HNRNPH1: variants seen among roughly 807,000 people sequenced by gnomAD.
HNRNPH1 encodes the protein heterogeneous nuclear ribonucleoprotein H1, also known as heterogeneous nuclear ribonucleoprotein H.
Under a neutral mutation model 58.6 loss-of-function variants are expected in HNRNPH1, and 4 were observed. That is an observed-to-expected ratio of 0.07 (90% CI 0.03 to 0.16). The LOEUF (loss-of-function observed/expected upper bound fraction) is 0.16. Ranked by LOEUF, HNRNPH1 falls within the 10% of genes least tolerant of loss-of-function variation. The probability of loss-of-function intolerance (pLI) is 1.00; values close to 1 mark genes in which losing one functional copy is unlikely to be tolerated. For missense variants in HNRNPH1, 271 were observed against 564.2 expected (o/e 0.48, Z 5.26); for synonymous variants, 192 against 189.2 (o/e 1.01, Z -0.12).
At chr5:179,614,830 GGATC>G (rs1768712848) in exon 13 of HNRNPH1, 1 of 1,255,878 alleles carries the variant, frequency 8.0e-7, no homozygotes, top group Non-Finnish European at 1.1e-6. Flanking sequence ...TCAGTGATCA[GGATC>G]GATCAATTAC....
rs1768795489 is a variant in HNRNPH1, at chr5:179,614,970, A to G, written c.*1-11T>C. On this transcript the variant is annotated splice_polypyrimidine_tract_variant and intron_variant, in intron 12 of 12. Transcript: ENST00000356731. ...CTGCTCCTTGGTTACCTGCAAAGAG[A>G]TCAATTTGACAAGTTAGGAGTAATA... 3 of 1,454,780 alleles carry G rather than the reference A, an allele frequency of 2.1e-6. No individual in the cohort carries two copies. Among genetic ancestry groups the G allele is most frequent in the Non-Finnish European group, 2.8e-6 (3 of 1,059,778 alleles). 90.1% of individuals were successfully genotyped at this position (1,454,780 alleles called of 1,614,324 possible). A position where few individuals can be genotyped will look rare whatever the true frequency, so the allele number is the denominator to read the frequency against.
At chr5:179,632,735 T>A (rs980038449) in intron 2 of HNRNPH1, among the ~76,000 whole-genome samples, 1 of 133,362 alleles carries the variant, frequency 7.5e-6, no homozygotes, top group African/African-American at 2.7e-5. Flanking sequence ...ACTCACTGTC[T>A]AAAGCCAAAT....
chr5:179,632,133 C>T (rs182941048), intron 2 of HNRNPH1, among the ~76,000 whole-genome samples: 279 of 152,030 alleles, frequency 1.8e-3, no homozygotes, highest in African/African-American at 6.5e-3. Flanking sequence ...GGTGAAACCC[C>T]GTCTCTACTA....
At chr5:179,621,359 T>G in exon 2 of HNRNPH1, 1 of 1,614,146 alleles carries the variant, frequency 6.2e-7, no homozygotes, top group Non-Finnish European at 8.5e-7. Context: ...CTGGTGTAGA[T>G]GAAACGAATA....
At chr5:179,625,643 G>T (rs762438121), upstream of HNRNPH1, among the ~76,000 whole-genome samples, 48 of 130,750 alleles carry the variant, frequency 3.7e-4, no homozygotes, top group Non-Finnish European at 5.1e-4. Flanking sequence ...TGGGCAATAA[G>T]AGCAAAACTC....
At chr5:179,632,506 G>A (rs888447418) in intron 2 of HNRNPH1, among the ~76,000 whole-genome samples, 5 of 152,210 alleles carry the variant, frequency 3.3e-5, no homozygotes, top group South Asian at 2.1e-4. Context: ...CCACAACCAC[G>A]TAAACGAATT....
Position 179,620,885 on chromosome 5 carries a change from T to A in HNRNPH1, c.397+7A>T, listed in dbSNP as rs1387532283. Reference sequence around the variant, plus strand: ...CTCACTGCTCAGCAACAAACATGACTACATACCTGAGAAGAACTGAACAAT... The same window carrying A: ...CTCACTGCTCAGCAACAAACATGACAACATACCTGAGAAGAACTGAACAAT... On this transcript the variant is annotated splice_region_variant and intron_variant, in intron 3 of 12. Coordinates refer to ENST00000356731, the Ensembl canonical transcript of HNRNPH1. The A allele has an allele frequency of 6.2e-7, 1 of 1,613,888 alleles. No individual in the cohort carries two copies. Among genetic ancestry groups the A allele is most frequent in the Non-Finnish European group, 8.5e-7 (1 of 1,179,872 alleles).
exon 1 of HNRNPH1, chr5:179,623,196 G>A (rs1399669756): frequency 1.1e-5 from 13 of 1,222,960 alleles, no homozygotes; most frequent in Admixed American, 9.0e-5. Flanking sequence ...AACTGAGAGC[G>A]CCAATTAAGC....
At chr5:179,628,661 C>T, upstream of HNRNPH1, among the ~76,000 whole-genome samples, 1 of 152,156 alleles carries the variant, frequency 6.6e-6, no homozygotes, top group East Asian at 1.9e-4. Flanking sequence ...ATGATATCAG[C>T]TGGGCATGGT....
intron 1 of HNRNPH1, chr5:179,621,638 T>G: frequency 1.9e-6 from 1 of 532,138 alleles, no homozygotes; most frequent in East Asian, 3.2e-5. Flanking sequence ...CAGAATGAAT[T>G]TATCTCTTTA....
At chr5:179,614,993 A>G (rs372314180) in intron 12 of HNRNPH1, 34 bp from the exon 14 acceptor site, 23 of 1,181,358 alleles carry the variant, frequency 1.9e-5, no homozygotes, top group East Asian at 5.1e-5. Context: ...GTTAGGAGTA[A>G]TATCAGACTA....
At chr5:179,630,602 C>A (rs936269123) in intron 2 of HNRNPH1, among the ~76,000 whole-genome samples, 4 of 152,018 alleles carry the variant, frequency 2.6e-5, no homozygotes, top group Admixed American at 1.3e-4. Context: ...TCGCTCAGGG[C>A]TATTTGCAGT....
Position 179,632,172 on chromosome 5 carries a change from G to A in HNRNPH1, c.-32+1893C>T, listed in dbSNP as rs59671351. On this transcript the variant is annotated intron_variant, in intron 2 of 4. Transcript: ENST00000521116. Reference sequence around the variant, plus strand: ...ATACAAAAAAAATTATCCGGGCGTGGTGGCGGGTGCCTGTAGTCCCAGCTA... The same window carrying A: ...ATACAAAAAAAATTATCCGGGCGTGATGGCGGGTGCCTGTAGTCCCAGCTA... Among the ~76,000 whole-genome samples the A allele has an allele frequency of 5.5e-3, 831 of 152,244 alleles. 11 individuals carry two copies. The highest frequency in any genetic ancestry group is 0.018 in the African/African-American group (760 of 41,556).
intron 8 of HNRNPH1, 159 bp downstream of exon 9, chr5:179,617,355 A>C: frequency 1.1e-6 from 1 of 904,920 alleles, no homozygotes; most frequent in Non-Finnish European, 1.7e-6. Context: ...ACTAATTTTT[A>C]AAACCCAAAC....
chr5:179,632,045 G>A (rs111937903), intron 2 of HNRNPH1, among the ~76,000 whole-genome samples: 13,072 of 151,996 alleles, frequency 0.086, 643 homozygotes, highest in Middle Eastern at 0.12. Flanking sequence ...GGCGGCTCAC[G>A]CCTGTAATCC....
exon 9 of HNRNPH1, chr5:179,617,052 G>A (rs878873852): frequency 1.6e-5 from 25 of 1,605,362 alleles, no homozygotes; most frequent in Middle Eastern, 1.7e-4. Context: ...TTTGGCTACC[G>A]TAAGCACCAC....
Position 179,633,290 on chromosome 5 carries a change from CTGTTTGTT to C in HNRNPH1, c.-32+767_-32+774del, listed in dbSNP as rs71001019. ...ACAGGTGTGAGCCACCACGCCCGGC[CTGTTTGTT>C]TGTTTGTTTGTTTGTTTGAGACAGT... On this transcript the variant is annotated intron_variant, in intron 2 of 4. Coordinates refer to the HNRNPH1 transcript ENST00000521116. 5.4e-5 allele frequency among the ~76,000 whole-genome samples: 8 copies of C among 149,236 alleles called. No individual in the cohort carries two copies. In the East Asian group the frequency reaches 8.3e-4, roughly 15 times the overall value.
chr5:179,620,809 G>C (rs1181379565), intron 3 of HNRNPH1, 83 bp downstream of exon 4: 19 of 1,198,636 alleles, frequency 1.6e-5, no homozygotes, highest in African/African-American at 1.5e-4. Flanking sequence ...AAATACCTAA[G>C]CTACTCAACT....
intron 2 of HNRNPH1, 56 bp downstream of exon 3, chr5:179,621,186 G>A: frequency 1.9e-6 from 3 of 1,553,606 alleles, no homozygotes; most frequent in East Asian, 4.5e-5. Flanking sequence ...CAGAAGGGGT[G>A]AGACCTCTAT....
Sources: gnomAD v4.1 joint callset for allele counts (sites outside exome capture counted in the v4.1 genomes callset) on GRCh38, gnomAD v4.1.1 for gene constraint, MANE v1.5 for transcripts, NCBI Gene and HGNC (gene_info 2026-07-23, HGNC 2026-07-21) for gene names.